The following VTA1 variants were observed in gnomAD, a reference collection of about 807,000 sequenced individuals.
The protein encoded by VTA1 is vacuolar protein sorting-associated protein VTA1 homolog.
VTA1 carries 24 observed loss-of-function variants against 36.9 expected under a neutral mutation model. That is an observed-to-expected ratio of 0.65 (90% CI 0.47 to 0.91). The LOEUF is 0.91. VTA1 is among the 40% of genes least tolerant of loss of function. The pLI, the probability that VTA1 is intolerant of heterozygous loss-of-function variation, is 0.00. For synonymous variants in VTA1, 142 were observed against 130.2 expected, an observed-to-expected ratio of 1.09 and a Z score of -0.62; for missense variants, 393 against 377.2, an observed-to-expected ratio of 1.04 and a Z score of -0.35.
In VTA1 at chr6:142,208,769, T is replaced by A. The variant is rs150484351; in HGVS notation, c.778+4704T>A. On this transcript the variant is annotated intron_variant, in intron 7 of 7. Coordinates refer to ENST00000367630, the MANE Select transcript of VTA1 (RefSeq NM_016485.5). ...CAGGCCAGTAGGTATTGGAACATTT[T>A]AAAAAAAAACTGTCATCTAGGAATA... 1.4e-3 allele frequency among the ~76,000 whole-genome samples: 217 copies of A among 151,388 alleles called. 1 individual carries two copies. The highest frequency in any genetic ancestry group is 4.5e-3 in the East Asian group (23 of 5,158).
intron 4 of VTA1, among the ~76,000 whole-genome samples, chr6:142,176,482 A>G (rs1325629520): frequency 6.6e-6 from 1 of 152,184 alleles, no homozygotes; most frequent in East Asian, 1.9e-4. Flanking sequence ...ACCTTGTTTC[A>G]TCTTTCACAA....
At position 142,189,539 on chromosome 6, in the gene VTA1, G is replaced by GTATT. The variant is rs3830800; in HGVS notation, c.520+14_520+17dup. On this transcript the variant is annotated splice_donor_region_variant and intron_variant, in intron 5 of 7. Transcript: ENST00000367630. Reference sequence around the variant, plus strand: ...TTGGAATTGAAGAAGATAATGGTATGTATTTATTTATTCTGAGTAAAAGGA... The same window carrying GTATT: ...TTGGAATTGAAGAAGATAATGGTATGTATTTATTTATTTATTCTGAGTAAAAGGA... 1 of 1,593,698 alleles carries GTATT rather than the reference G, an allele frequency of 6.3e-7. No individual in the cohort carries two copies. The highest frequency in any genetic ancestry group is 8.6e-7 in the Non-Finnish European group (1 of 1,163,022).
chr6:142,198,772 A>T, intron 6 of VTA1, 157 bp downstream of exon 6: 1 of 663,512 alleles, frequency 1.5e-6, no homozygotes, highest in Non-Finnish European at 2.3e-6. Context: ...TATTTTCATT[A>T]AAATTTTAAT....
At chr6:142,176,339 C>G (rs225666) in intron 4 of VTA1, among the ~76,000 whole-genome samples, 60,012 of 152,040 alleles carry the variant, frequency 0.39, 13,603 homozygotes, top group Middle Eastern at 0.54. Context: ...AATATGTTTT[C>G]TGCCCTCGTT....
Position 142,219,138 on chromosome 6 carries a change from A to T in VTA1, c.*495A>T, listed in dbSNP as rs1776058286. ...AAATATAAACATTCTAAACTGCTGG[A>T]TGAATCTGAAAAGACATTAAGTTCA... On this transcript the variant is annotated 3_prime_UTR_variant, in exon 8 of 8. Transcript: ENST00000367630. 1 of 152,166 alleles carries T rather than the reference A, an allele frequency of 6.6e-6. No homozygotes were observed. Among genetic ancestry groups the T allele is most frequent in the Non-Finnish European group, 1.5e-5 (1 of 68,018 alleles). 9.4% of individuals were successfully genotyped at this position (152,166 alleles called of 1,614,324 possible).
At chr6:142,197,670 T>C (rs1775579614) in intron 5 of VTA1, among the ~76,000 whole-genome samples, 1 of 152,172 alleles carries the variant, frequency 6.6e-6, no homozygotes, top group Admixed American at 6.6e-5. Context: ...CGGTAAATCT[T>C]AAGTAAAAGT....
chr6:142,173,360 A>G (rs1345624459), intron 4 of VTA1, among the ~76,000 whole-genome samples: 1 of 152,254 alleles, frequency 6.6e-6, no homozygotes, highest in African/African-American at 2.4e-5. Flanking sequence ...GATCATGATA[A>G]GGCAAAGTAA....
chr6:142,197,441 T>C (rs2114672368), intron 5 of VTA1, among the ~76,000 whole-genome samples: 1 of 152,312 alleles, frequency 6.6e-6, no homozygotes, highest in South Asian at 2.1e-4. Flanking sequence ...TGACTCCCAG[T>C]AGCGGCTGAT....
intron 7 of VTA1, among the ~76,000 whole-genome samples, chr6:142,214,664 A>C (rs1435145701): frequency 6.6e-6 from 1 of 152,212 alleles, no homozygotes; most frequent in African/African-American, 2.4e-5. Context: ...CAACGTCAAG[A>C]GTAAACCCTA....
intron 2 of VTA1, among the ~76,000 whole-genome samples, chr6:142,168,089 CTG>C (rs1024374222): frequency 1.4e-4 from 22 of 152,124 alleles, no homozygotes; most frequent in Non-Finnish European, 2.9e-4. Flanking sequence ...TAAGGGCACA[CTG>C]TGGTGTTTGT....
chr6:142,197,891 G>A (rs991957319), intron 5 of VTA1, among the ~76,000 whole-genome samples: 1 of 150,816 alleles, frequency 6.6e-6, no homozygotes, highest in Non-Finnish European at 1.5e-5. Context: ...TGGCTAACAC[G>A]GTGAAACCCC....
intron 2 of VTA1, 92 bp from the exon 3 acceptor site, chr6:142,169,458 A>G: frequency 1.5e-6 from 2 of 1,351,748 alleles, no homozygotes; most frequent in Non-Finnish European, 2.0e-6. Flanking sequence ...ATGTAAAATA[A>G]TTTACTTAAA....
intron 1 of VTA1, among the ~76,000 whole-genome samples, chr6:142,155,882 T>C (rs1191561919): frequency 1.3e-5 from 2 of 152,212 alleles, no homozygotes; most frequent in South Asian, 4.1e-4. Flanking sequence ...CTTTTTCATT[T>C]GCTTGTCTTT....
At chr6:142,217,591 T>C (rs927619649) in intron 7 of VTA1, among the ~76,000 whole-genome samples, 11 of 151,602 alleles carry the variant, frequency 7.3e-5, no homozygotes, top group African/African-American at 1.9e-4. Context: ...TATATACATA[T>C]GGCAAAATTA....
chr6:142,187,912 CTTTT>C (rs58131768), intron 4 of VTA1, among the ~76,000 whole-genome samples: 5 of 120,720 alleles, frequency 4.1e-5, no homozygotes, highest in Non-Finnish European at 1.7e-5. Flanking sequence ...TACTTTCTTT[CTTTT>C]TTTTTTTTTT....
chr6:142,199,242 A>G (rs1222998247), intron 6 of VTA1, among the ~76,000 whole-genome samples: 2 of 152,116 alleles, frequency 1.3e-5, no homozygotes, highest in African/African-American at 4.8e-5. Flanking sequence ...TAAAAATCTG[A>G]CAAAGTTAGT....
intron 4 of VTA1, among the ~76,000 whole-genome samples, chr6:142,182,850 T>C (rs1040110966): frequency 5.9e-5 from 9 of 151,966 alleles, no homozygotes; most frequent in Admixed American, 3.9e-4. Flanking sequence ...TATTTAAGGG[T>C]GGTACATTTA....
chr6:142,155,978 G>A (rs1468397556), intron 1 of VTA1, among the ~76,000 whole-genome samples: 6 of 152,152 alleles, frequency 3.9e-5, no homozygotes, highest in African/African-American at 1.4e-4. Flanking sequence ...GGCCACTAGA[G>A]ATATTTACAT....
intron 4 of VTA1, among the ~76,000 whole-genome samples, chr6:142,171,124 TGC>T: frequency 6.6e-6 from 1 of 152,274 alleles, no homozygotes; most frequent in South Asian, 2.1e-4. Context: ...GATGGAATTT[TGC>T]TCTTGTTGCC....
Sources: allele counts gnomAD v4.1 joint callset (sites outside exome capture counted in the v4.1 genomes callset), GRCh38; gene constraint gnomAD v4.1.1; transcripts MANE v1.5; gene names NCBI Gene and HGNC (gene_info 2026-07-23, HGNC 2026-07-21).